The following KCNQ1 variants were observed in gnomAD, a reference collection of about 807,000 sequenced individuals.
KCNQ1 encodes potassium voltage-gated channel subfamily KQT member 1.
A neutral mutation model predicts 72.4 loss-of-function variants in KCNQ1; 49 were observed. That is an observed-to-expected ratio of 0.68 (90% CI 0.54 to 0.86). KCNQ1 has a LOEUF of 0.86. Among genes scored for constraint, KCNQ1 ranks in the 40% least tolerant of loss-of-function variants. The pLI, the probability that KCNQ1 is intolerant of heterozygous loss-of-function variation, is 0.00. For missense variants in KCNQ1, 790 were observed against 945.1 expected (o/e 0.84, Z 2.15); for synonymous variants, 450 against 412.6 (o/e 1.09, Z -1.10).
intron 8 of KCNQ1, 80 bp downstream of exon 8, chr11:2,585,387 G>A: frequency 1.6e-6 from 2 of 1,263,652 alleles, no homozygotes; most frequent in Non-Finnish European, 2.3e-6. Flanking sequence ...CCACCTGTCA[G>A]AACCATCATT....
intron 15 of KCNQ1, among the ~76,000 whole-genome samples, chr11:2,841,242 T>C (rs1848203706): frequency 6.6e-6 from 1 of 152,184 alleles, no homozygotes; most frequent in African/African-American, 2.4e-5. Flanking sequence ...AACACGGGCA[T>C]GCTCAGTGCC....
chr11:2,519,723 T>A (rs1332493399), intron 1 of KCNQ1, among the ~76,000 whole-genome samples: 2 of 152,154 alleles, frequency 1.3e-5, no homozygotes, highest in Admixed American at 1.3e-4. Context: ...AATCTACCAA[T>A]AGTGATCATA....
At position 2,463,169 on chromosome 11, in the gene KCNQ1, C is replaced by T. The variant is rs564125355; in HGVS notation, c.386+17685C>T. 4.3e-4 allele frequency among the ~76,000 whole-genome samples: 65 copies of T among 152,208 alleles called. No individual in the cohort carries two copies. Among genetic ancestry groups the T allele is most frequent in the East Asian group, 3.3e-3 (17 of 5,174 alleles). On this transcript the variant is annotated intron_variant, in intron 1 of 15. Coordinates refer to ENST00000155840, the MANE Select transcript of KCNQ1 (RefSeq NM_000218.3). The surrounding 1 kb of genome is among the most constrained non-coding windows in gnomAD (Gnocchi z 7.0). ...GGTCAGAGTGGGGAACTGGACGCTCCGTCCCTGGCTCAGCCTCTCCCGGCT... is the reference window on the plus strand; with the variant it reads ...GGTCAGAGTGGGGAACTGGACGCTCTGTCCCTGGCTCAGCCTCTCCCGGCT...
rs1268921856 is a variant in KCNQ1 at position 2,541,268 on chromosome 11, G to A, written c.477+13250G>A. ...CGCAGGCCAGCCCCTTTTCCTGGCG[G>A]GGTGATGATCTGGTCAGTTTCCGAG... On this transcript the variant is annotated intron_variant, in intron 2 of 15. Coordinates refer to ENST00000155840, the MANE Select transcript of KCNQ1 (RefSeq NM_000218.3). The surrounding 1 kb of genome is among the most constrained non-coding windows in gnomAD (Gnocchi z 4.8). Among the ~76,000 whole-genome samples the A allele has an allele frequency of 1.3e-5, 2 of 152,250 alleles. No individual in the cohort carries two copies. Among genetic ancestry groups the A allele is most frequent in the Non-Finnish European group, 2.9e-5 (2 of 68,050 alleles).
rs1034798564 is a variant in KCNQ1 at position 2,452,228 on chromosome 11, C to T, written c.386+6744C>T. 3.9e-5 allele frequency among the ~76,000 whole-genome samples: 6 copies of T among 152,132 alleles called. No individual in the cohort carries two copies. The South Asian group carries it at 8.3e-4, about 21-fold the overall frequency. On this transcript the variant is annotated intron_variant, in intron 1 of 15. Coordinates refer to ENST00000155840, the MANE Select transcript of KCNQ1 (RefSeq NM_000218.3). ...GGGTGCTCTGAGTAGCTCTCCCCGG[C>T]TCCTGGCTGAACTTGCTCCAGGCAG...
At position 2,621,502 on chromosome 11, in the gene KCNQ1, G is replaced by A. The variant is rs1849172030; in HGVS notation, c.1393+32648G>A. 2.5e-6 allele frequency: 1 copy of A among 398,468 alleles called. No individual in the cohort carries two copies. Among genetic ancestry groups the A allele is most frequent in the South Asian group, 1.3e-4 (1 of 7,856 alleles). The allele number at this position is 398,468 out of a possible 1,614,324, so 24.7% of individuals were successfully genotyped here. On this transcript the variant is annotated intron_variant, in intron 10 of 15. Coordinates refer to ENST00000155840, the MANE Select transcript of KCNQ1 (RefSeq NM_000218.3). This position sits in a 1 kb window ranked among gnomAD's most constrained non-coding sequence, Gnocchi z 5.7. Reference sequence around the variant, plus strand: ...TTTTCTCCCATTCTATATGTTGTCTGTTTACTCTGTTGATAATTTCTTTTG... The same window carrying A: ...TTTTCTCCCATTCTATATGTTGTCTATTTACTCTGTTGATAATTTCTTTTG...
At position 2,834,982 on chromosome 11, in the gene KCNQ1, T is replaced by G. The variant is rs533897954; in HGVS notation, c.1795-12785T>G. ...CAGCCCAGGGCCCCCAGGCCTGGCC[T>G]CCAACCTGGCCCCAGCCTCAGGGGA... On this transcript the variant is annotated intron_variant, in intron 15 of 15. Transcript: ENST00000155840. 1.7e-3 allele frequency among the ~76,000 whole-genome samples: 249 copies of G among 150,100 alleles called. 1 individual carries two copies. The highest frequency in any genetic ancestry group is 5.8e-3 in the African/African-American group (238 of 41,216).
intron 2 of KCNQ1, among the ~76,000 whole-genome samples, chr11:2,560,406 C>T (rs1848146172): frequency 2.3e-5 from 1 of 43,692 alleles, no homozygotes; most frequent in Non-Finnish European, 3.9e-5. Context: ...CATCCTGGGA[C>T]TGGGGGGTGA....
Position 2,471,702 on chromosome 11 carries a change from A to G in KCNQ1, c.386+26218A>G, listed in dbSNP as rs1423771010. Reference sequence around the variant, plus strand: ...CATGTGTATGGGTGTGCATGTGTGTATAGGTGTGTGTATGTGTGCATGGGC... The same window carrying G: ...CATGTGTATGGGTGTGCATGTGTGTGTAGGTGTGTGTATGTGTGCATGGGC... On this transcript the variant is annotated intron_variant, in intron 1 of 15. Transcript: ENST00000155840. This position sits in a 1 kb window ranked among gnomAD's most constrained non-coding sequence, Gnocchi z 4.8. Among the ~76,000 whole-genome samples, 2 of 139,562 alleles carry G rather than the reference A, an allele frequency of 1.4e-5. No individual in the cohort carries two copies. Among genetic ancestry groups the G allele is most frequent in the African/African-American group, 5.5e-5 (2 of 36,486 alleles). 91.6% of individuals were successfully genotyped at this position (139,562 alleles called of 152,430 possible).
At chr11:2,467,893 G>A (rs1210775150) in intron 1 of KCNQ1, among the ~76,000 whole-genome samples, 1 of 152,222 alleles carries the variant, frequency 6.6e-6, no homozygotes, top group Non-Finnish European at 1.5e-5. Flanking sequence ...TGTGACCTCC[G>A]AGTCCAGGCA....
rs771175693 is a variant in KCNQ1, at chr11:2,541,010, T to TGTG, written c.477+12994_477+12996dup. ...ACAGACATATGTGCACGGATGGGCG[T>TGTG]GTGGACGTATGCACACATAGGTACC... On this transcript the variant is annotated intron_variant, in intron 2 of 15. Transcript: ENST00000155840. The surrounding 1 kb of genome is among the most constrained non-coding windows in gnomAD (Gnocchi z 4.8). Among the ~76,000 whole-genome samples, 1 of 152,238 alleles carries TGTG rather than the reference T, an allele frequency of 6.6e-6. No individual in the cohort carries two copies. The highest frequency in any genetic ancestry group is 1.5e-5 in the Non-Finnish European group (1 of 68,040).
rs565741390 is a variant in KCNQ1 at position 2,446,333 on chromosome 11, C to T, written c.386+849C>T. Among the ~76,000 whole-genome samples, 1 of 152,312 alleles carries T rather than the reference C, an allele frequency of 6.6e-6. No homozygotes were observed. The highest frequency in any genetic ancestry group is 6.5e-5 in the Admixed American group (1 of 15,306). ...CCCAGTGGCCCTACTTCCTGGCTGC[C>T]CAGCCAGCGGCCTTTTGGTGTGGTG... On this transcript the variant is annotated intron_variant, in intron 1 of 15. Coordinates refer to ENST00000155840, the MANE Select transcript of KCNQ1 (RefSeq NM_000218.3). The surrounding 1 kb of genome is among the most constrained non-coding windows in gnomAD (Gnocchi z 8.8).
intron 1 of KCNQ1, among the ~76,000 whole-genome samples, chr11:2,454,806 A>G (rs1299863016): frequency 6.6e-6 from 1 of 152,184 alleles, no homozygotes; most frequent in Non-Finnish European, 1.5e-5. Flanking sequence ...CCCATGGTAA[A>G]TGTGGTACTG....
rs747150375 is a variant in KCNQ1, at chr11:2,815,275, A to T, written c.1795-32492A>T. On this transcript the variant is annotated intron_variant, in intron 15 of 15. Transcript: ENST00000155840. The surrounding 1 kb of genome is among the most constrained non-coding windows in gnomAD (Gnocchi z 5.4). ...TCTAGGCTGCCACCACAGCATCCAC[A>T]CTCCCCACTAGAGCCCACATAGGTC... Among the ~76,000 whole-genome samples the T allele has an allele frequency of 1.3e-5, 2 of 151,480 alleles. No individual in the cohort carries two copies. Among genetic ancestry groups the T allele is most frequent in the African/African-American group, 4.9e-5 (2 of 41,160 alleles).
intron 11 of KCNQ1, among the ~76,000 whole-genome samples, chr11:2,705,697 C>T (rs1021564166): frequency 6.6e-5 from 10 of 152,228 alleles, no homozygotes; most frequent in Admixed American, 1.3e-4. Context: ...CCTTTGAGGA[C>T]ATTGCCACAG....
intron 10 of KCNQ1, chr11:2,650,039 T>G: frequency 2.5e-6 from 1 of 398,466 alleles, no homozygotes; most frequent in Non-Finnish European, 4.4e-6. Context: ...TCTTCAAATT[T>G]AGAAATTATT....
At chr11:2,496,576 T>C in intron 1 of KCNQ1, among the ~76,000 whole-genome samples, 1 of 145,534 alleles carries the variant, frequency 6.9e-6, no homozygotes, top group Non-Finnish European at 1.5e-5. Flanking sequence ...CATATGTGTG[T>C]CTTTGCACAT....
chr11:2,835,544 C>T (rs1015892253), intron 15 of KCNQ1, among the ~76,000 whole-genome samples: 1 of 152,200 alleles, frequency 6.6e-6, no homozygotes, highest in Non-Finnish European at 1.5e-5. Flanking sequence ...TATTGAGCAC[C>T]TACTGTGTGC....
At chr11:2,558,894 G>T (rs891082310) in intron 2 of KCNQ1, among the ~76,000 whole-genome samples, 1 of 152,142 alleles carries the variant, frequency 6.6e-6, no homozygotes, top group Non-Finnish European at 1.5e-5. Context: ...TAGGCCCAGG[G>T]TGTGGTCCAA....
Sources: gnomAD v4.1 joint callset for allele counts (sites outside exome capture counted in the v4.1 genomes callset) on GRCh38, gnomAD v4.1.1 for gene constraint, Gnocchi (gnomAD v3.1) non-coding constraint, MANE v1.5 for transcripts, NCBI Gene and HGNC (gene_info 2026-07-23, HGNC 2026-07-21) for gene names.